KCTD13: variants seen among roughly 807,000 people sequenced by gnomAD.
The protein encoded by KCTD13 is BTB/POZ domain-containing adapter for CUL3-mediated RhoA degradation protein 1.
Under a neutral mutation model 32.3 loss-of-function variants are expected in KCTD13, and 15 were observed. The observed-to-expected ratio is 0.46, with a 90% CI of 0.31 to 0.71. KCTD13 has a LOEUF of 0.71. Ranked by LOEUF, KCTD13 falls within the 30% of genes least tolerant of loss-of-function variation. KCTD13 has a pLI of 0.05. For synonymous variants in KCTD13, 189 were observed against 200.1 expected, an observed-to-expected ratio of 0.94 and a Z score of 0.47; for missense variants, 337 against 452.6, an observed-to-expected ratio of 0.74 and a Z score of 2.32.
intron 2 of KCTD13, 74 bp downstream of exon 2, chr16:29,923,116 C>T: frequency 6.5e-7 from 1 of 1,527,590 alleles, no homozygotes; most frequent in Middle Eastern, 2.1e-4. Context: ...CCCCATATCT[C>T]CTTTTTTCTG....
chr16:29,920,849 G>A (rs2068898495), intron 2 of KCTD13: 2 of 152,250 alleles, frequency 1.3e-5, no homozygotes, highest in Middle Eastern at 6.8e-3. Context: ...CTAAAACGCC[G>A]TTTGCAGGTG....
At chr16:29,918,071 A>C (rs2068840831) in intron 2 of KCTD13, among the ~76,000 whole-genome samples, 1 of 152,264 alleles carries the variant, frequency 6.6e-6, no homozygotes, top group African/African-American at 2.4e-5. Flanking sequence ...CATCCAAATC[A>C]AGAATTTTTC....
At position 29,911,133 on chromosome 16, in the gene KCTD13, C is replaced by T. The variant is rs774536350; in HGVS notation, c.598G>A (p.Asp200Asn). The T allele has an allele frequency of 1.2e-5, 19 of 1,614,040 alleles. No homozygotes were observed. The highest frequency in any genetic ancestry group is 1.5e-5 in the Non-Finnish European group (18 of 1,180,020). The part of the protein sequence containing the change: ...DNLLKNIELF[D>N]KLALRFHGRL... ...CCGTGGAAGCGCAGGGCCAGCTTGT[C>T]GAACAGCTCGATGTTCTTAAGTAGG... The change falls in exon 5 of 6, where the codon GAC (aspartate) becomes AAC (asparagine). Residue 200 changes from aspartate (D) to asparagine (N), a missense_variant. By Grantham distance (23) the Asp-to-Asn change is conservative (BLOSUM62 1). Transcript: ENST00000568000.
At chr16:29,914,124 C>T (rs8059619) in intron 2 of KCTD13, 63,830 of 151,984 alleles carry the variant, frequency 0.42, 14,911 homozygotes, top group Non-Finnish European at 0.53. Context: ...GCCACAGCGC[C>T]GGGCCCCTCC....
In KCTD13 at chr16:29,926,119, C is replaced by G. The variant is rs75651136; in HGVS notation, c.-86G>C. The G allele has an allele frequency of 1.1e-3, 1,579 of 1,395,434 alleles. 11 individuals carry two copies. The African/African-American group carries it at 0.022, about 20-fold the overall frequency. The allele number at this position is 1,395,434 out of a possible 1,614,324, so 86.4% of individuals were successfully genotyped here. Reference sequence around the variant, plus strand: ...GAAGACCCTCGGCCGGCCCCCAGCCCTTGGGCCAGACCGCTCGGCGCACAC... The same window carrying G: ...GAAGACCCTCGGCCGGCCCCCAGCCGTTGGGCCAGACCGCTCGGCGCACAC... On this transcript the variant is annotated 5_prime_UTR_variant, in exon 1 of 6. Coordinates refer to ENST00000568000, the MANE Select transcript of KCTD13 (RefSeq NM_178863.5).
In KCTD13 at chr16:29,925,965, A is replaced by AC; in HGVS notation, c.68dup (p.Leu24SerfsTer64). 6.2e-7 allele frequency: 1 copy of AC among 1,612,616 alleles called. No homozygotes were observed. Among genetic ancestry groups the AC allele is most frequent in the Non-Finnish European group, 8.5e-7 (1 of 1,179,440 alleles). On this transcript the variant is annotated frameshift_variant, in exon 1 of 6. Coordinates refer to ENST00000568000, the MANE Select transcript of KCTD13 (RefSeq NM_178863.5). LOFTEE classifies it high-confidence loss of function. ...CGTAGGCGGCGGGGCCAGGCTCGAG[A>AC]CCCGAGGGCTTGGGGGCTTCCAGGG...
chr16:29,918,752 G>C (rs962500834), intron 2 of KCTD13, among the ~76,000 whole-genome samples: 1 of 152,154 alleles, frequency 6.6e-6, no homozygotes, highest in Non-Finnish European at 1.5e-5. Flanking sequence ...TGCCTCCCCA[G>C]GTTCAAGCGA....
chr16:29,926,022 C>A lies in KCTD13; in HGVS notation c.12G>T (p.Glu4Asp). ...CCGCGGCGGCAGCCGGGCCCGAGGC[C>A]TCCGCCGACATGCCGGGTAGCAGCG... is the stretch of plus-strand genomic sequence containing the variant. The part of the protein sequence containing the change: MSA[E>D]ASGPAAAAAP... The change falls in exon 1 of 6, where the codon GAG (glutamate) becomes GAT (aspartate). Residue 4 changes from glutamate (E) to aspartate (D), a missense_variant. Around this residue, in one of 3 missense-constraint regions of KCTD13, gnomAD observed 64 missense variants for 59.6 expected, o/e 1.07. Coordinates refer to ENST00000568000, the MANE Select transcript of KCTD13 (RefSeq NM_178863.5). 1 of 1,535,740 alleles carries A rather than the reference C, an allele frequency of 6.5e-7. No individual in the cohort carries two copies.
chr16:29,918,948 G>A (rs747196940), intron 2 of KCTD13, among the ~76,000 whole-genome samples: 4 of 152,034 alleles, frequency 2.6e-5, no homozygotes, highest in Non-Finnish European at 5.9e-5. Context: ...ATGAGCCACC[G>A]CACCTGGCAT....
intron 2 of KCTD13, chr16:29,919,441 T>C (rs2068869046): frequency 6.6e-6 from 1 of 152,234 alleles, no homozygotes; most frequent in Non-Finnish European, 1.5e-5. Flanking sequence ...ATTACATTCG[T>C]GCCATAGAAT....
At chr16:29,925,416 C>A in intron 1 of KCTD13, 1 of 296,248 alleles carries the variant, frequency 3.4e-6, no homozygotes, top group Non-Finnish European at 6.5e-6. Flanking sequence ...TCGGAAGAAA[C>A]TGAGGAAGGC....
chr16:29,915,851 C>T (rs2068800523), intron 2 of KCTD13, among the ~76,000 whole-genome samples: 2 of 152,148 alleles, frequency 1.3e-5, no homozygotes, highest in African/African-American at 2.4e-5. Flanking sequence ...GTATTTAATG[C>T]CTTGTATTTA....
At position 29,907,047 on chromosome 16, in the gene KCTD13, G is replaced by A. The variant is rs2068625903; in HGVS notation, c.815C>T (p.Pro272Leu). The change falls in exon 6 of 6, where the codon CCC becomes CTC. Residue 272 changes from proline to leucine, a missense_variant. Physicochemically the swap from Pro to Leu is moderately conservative, Grantham distance 98. This residue lies in a region of KCTD13 where 252 missense variants were observed against 340.2 expected (regional missense o/e 0.74). Coordinates refer to ENST00000568000, the MANE Select transcript of KCTD13 (RefSeq NM_178863.5). ...CAGGAGGGCTGGGTCTGGGCCCCGG[G>A]GAGTCTCGTAGATGAGGATGTTCAG... ...ETLNILIYET[P>L]RGPDPALLEA... The A allele has an allele frequency of 6.2e-7, 1 of 1,613,796 alleles. No homozygotes were observed. The highest frequency in any genetic ancestry group is 1.3e-5 in the African/African-American group (1 of 74,918).
chr16:29,911,294 A>G, intron 4 of KCTD13, 121 bp from the exon 5 acceptor site: 1 of 768,060 alleles, frequency 1.3e-6, no homozygotes, highest in Non-Finnish European at 2.1e-6. Flanking sequence ...GGTGCTCAAC[A>G]GAGAGCCTCC....
intron 2 of KCTD13, 159 bp downstream of exon 2, chr16:29,923,031 C>CGGCAG (rs1567448167): frequency 1.4e-6 from 1 of 726,296 alleles, no homozygotes; most frequent in South Asian, 2.0e-5. Flanking sequence ...CTGCCTGAGG[C>CGGCAG]GGCAGGGATG....
chr16:29,907,132 G>A, intron 5 of KCTD13, 24 bp from the exon 6 acceptor site: 1 of 1,545,892 alleles, frequency 6.5e-7, no homozygotes. Flanking sequence ...GCCGGCCCCA[G>A]CTCCTTCCTT....
Position 29,911,051 on chromosome 16 carries a change from T to C in KCTD13, c.680A>G (p.Tyr227Cys). 1.2e-6 allele frequency: 2 copies of C among 1,614,080 alleles called. No homozygotes were observed. Among genetic ancestry groups the C allele is most frequent in the Non-Finnish European group, 1.7e-6 (2 of 1,180,016 alleles). ...CTCGGCGATTTTGCGGCCCTGCCCG[T>C]AGAAAGACCAGCAGCAGATCTCGTC... ...LGDEICCWSF[Y>C]GQGRKIAEVC... The change falls in exon 5 of 6, where the codon TAC (tyrosine) becomes TGC (cysteine). Residue 227 changes from tyrosine to cysteine, a missense_variant. Tyr to Cys is a radical substitution (Grantham distance 194). Coordinates refer to ENST00000568000, the MANE Select transcript of KCTD13 (RefSeq NM_178863.5).
chr16:29,919,310 T>C (rs372381865), intron 2 of KCTD13, among the ~76,000 whole-genome samples: 16 of 152,230 alleles, frequency 1.1e-4, no homozygotes, highest in African/African-American at 2.4e-4. Context: ...ATTTGGCTTA[T>C]GTAATAAAGT....
intron 1 of KCTD13, chr16:29,925,576 T>G: frequency 1.8e-6 from 1 of 570,368 alleles, no homozygotes; most frequent in Non-Finnish European, 3.1e-6. Flanking sequence ...TAAGTGTTGG[T>G]TATTGCTGGG....
Sources: allele counts gnomAD v4.1 joint callset (sites outside exome capture counted in the v4.1 genomes callset), GRCh38; gene constraint gnomAD v4.1.1; regional missense constraint gnomAD v4.1.1; transcripts MANE v1.5; gene names NCBI Gene and HGNC (gene_info 2026-07-23, HGNC 2026-07-21).